Variants in MYRIP observed in about 807,000 individuals in gnomAD.
The protein encoded by MYRIP is myosin VIIA and Rab interacting protein.
A neutral mutation model predicts 98.0 loss-of-function variants in MYRIP; 49 were observed. That is an observed-to-expected ratio of 0.50 (90% CI 0.40 to 0.63). MYRIP has a LOEUF of 0.63. MYRIP is among the 30% of genes least tolerant of loss of function. The pLI is 0.00. For synonymous variants in MYRIP, 404 were observed against 409.5 expected (o/e 0.99, Z 0.16); for missense variants, 1,004 against 1,058.2 (o/e 0.95, Z 0.71).
At chr3:40,044,345 G>A in intron 3 of MYRIP, 74 bp downstream of exon 3, 3 of 1,431,310 alleles carry the variant, frequency 2.1e-6, no homozygotes, top group Non-Finnish European at 2.0e-6. Flanking sequence ...CTTCAGTCAG[G>A]TAGAACCAGC....
At chr3:39,823,220 A>G (rs1189318105) in intron 1 of MYRIP, among the ~76,000 whole-genome samples, 1 of 151,862 alleles carries the variant, frequency 6.6e-6, no homozygotes, top group Non-Finnish European at 1.5e-5. Flanking sequence ...GGGTTTTGTC[A>G]TGTTCCCCAG....
intron 2 of MYRIP, among the ~76,000 whole-genome samples, chr3:39,902,041 C>T (rs572453056): frequency 6.6e-6 from 1 of 152,222 alleles, no homozygotes; most frequent in Admixed American, 6.5e-5. Context: ...TCCATATTTA[C>T]ATATAGAATA....
At chr3:39,945,835 T>C (rs1224621794) in intron 2 of MYRIP, among the ~76,000 whole-genome samples, 2 of 152,096 alleles carry the variant, frequency 1.3e-5, no homozygotes, top group Non-Finnish European at 2.9e-5. Flanking sequence ...AAGTAGTTCT[T>C]AAAAGAAATT....
intron 1 of MYRIP, among the ~76,000 whole-genome samples, chr3:39,882,055 C>A (rs1372490758): frequency 2.0e-5 from 3 of 152,024 alleles, no homozygotes; most frequent in African/African-American, 7.2e-5. Context: ...TAATCCTTAG[C>A]ATTTTATAAT....
chr3:39,965,186 G>A (rs973885122), intron 2 of MYRIP, among the ~76,000 whole-genome samples: 7 of 151,768 alleles, frequency 4.6e-5, no homozygotes, highest in African/African-American at 7.3e-5. Context: ...TTAGTATTGC[G>A]ACCCAATTGG....
At chr3:40,220,798 G>A (rs1440120632) in intron 11 of MYRIP, among the ~76,000 whole-genome samples, 1 of 152,068 alleles carries the variant, frequency 6.6e-6, no homozygotes, top group Non-Finnish European at 1.5e-5. Flanking sequence ...GGCTGGAGCA[G>A]GAGGAAGAGA....
At chr3:39,878,336 C>A (rs189711311) in intron 1 of MYRIP, among the ~76,000 whole-genome samples, 2 of 152,168 alleles carry the variant, frequency 1.3e-5, no homozygotes, top group Admixed American at 6.5e-5. Flanking sequence ...AGCTCGAGCA[C>A]AGTGCGCTGC....
chr3:39,985,782 C>T (rs1263288669), intron 2 of MYRIP, among the ~76,000 whole-genome samples: 1 of 151,976 alleles, frequency 6.6e-6, no homozygotes, highest in African/African-American at 2.4e-5. Flanking sequence ...TGGATCCCTT[C>T]CTTACACCTT....
At chr3:39,986,201 A>C (rs1946027234) in intron 2 of MYRIP, among the ~76,000 whole-genome samples, 1 of 152,170 alleles carries the variant, frequency 6.6e-6, no homozygotes, top group South Asian at 2.1e-4. Flanking sequence ...GTGGATATCC[A>C]AGCATTAAGG....
intron 1 of MYRIP, among the ~76,000 whole-genome samples, chr3:39,855,050 G>C (rs112434161): frequency 5.9e-5 from 9 of 152,354 alleles, no homozygotes; most frequent in Non-Finnish European, 1.2e-4. Context: ...AGGTGTCAGG[G>C]AAGTGAAGTA....
At chr3:40,016,871 A>G (rs1036290344) in intron 2 of MYRIP, among the ~76,000 whole-genome samples, 4 of 152,206 alleles carry the variant, frequency 2.6e-5, no homozygotes, top group African/African-American at 9.6e-5. Context: ...GGTTTCCTGT[A>G]AAGAGCTGGC....
intron 1 of MYRIP, among the ~76,000 whole-genome samples, chr3:39,882,032 T>G (rs1396963017): frequency 1.3e-5 from 2 of 152,166 alleles, no homozygotes; most frequent in Non-Finnish European, 2.9e-5. Flanking sequence ...ACTAGAAGTA[T>G]TTTTGTTAAA....
At chr3:39,916,543 A>G (rs531746986) in intron 2 of MYRIP, among the ~76,000 whole-genome samples, 1 of 152,192 alleles carries the variant, frequency 6.6e-6, no homozygotes, top group East Asian at 1.9e-4. Flanking sequence ...GACACAATGA[A>G]CAAGCATTTA....
intron 1 of MYRIP, among the ~76,000 whole-genome samples, chr3:39,847,145 C>G (rs1324004541): frequency 6.6e-6 from 1 of 152,216 alleles, no homozygotes; most frequent in Non-Finnish European, 1.5e-5. Flanking sequence ...ATATGCATCT[C>G]TTTAACCCAT....
chr3:39,894,147 T>C (rs1210681565), intron 1 of MYRIP, among the ~76,000 whole-genome samples: 2 of 152,258 alleles, frequency 1.3e-5, no homozygotes, highest in Non-Finnish European at 2.9e-5. Context: ...CTATTCATAC[T>C]ATATTATTTT....
rs1559455131 is a variant in MYRIP at position 40,209,983 on chromosome 3, ACTT to A, written c.1800_1802del (p.Ser601del). On this transcript the variant is annotated inframe_deletion, in exon 11 of 17. Transcript: ENST00000302541. ...AGCAATGAAAATGAGTGAAAAGGAG[ACTT>A]CTTCAGGGGAGGATCAGGAGTCTGA... is the stretch of plus-strand genomic sequence containing the variant. 2 of 1,614,098 alleles carry A rather than the reference ACTT, an allele frequency of 1.2e-6. No individual in the cohort carries two copies. The highest frequency in any genetic ancestry group is 1.7e-6 in the Non-Finnish European group (2 of 1,179,968).
chr3:40,141,939 G>T (rs1949904540), intron 3 of MYRIP, among the ~76,000 whole-genome samples: 1 of 151,752 alleles, frequency 6.6e-6, no homozygotes, highest in Admixed American at 6.6e-5. Context: ...ATAATTTGTG[G>T]TTCCATACAA....
chr3:40,183,500 T>C (rs1950945652), intron 9 of MYRIP, among the ~76,000 whole-genome samples: 1 of 152,230 alleles, frequency 6.6e-6, no homozygotes, highest in Admixed American at 6.5e-5. Flanking sequence ...CTGAGTCATT[T>C]TCCTAAAGTC....
rs367659506 is a variant in MYRIP at position 40,167,263 on chromosome 3, T to C, written c.729+24T>C. 3 of 1,610,184 alleles carry C rather than the reference T, an allele frequency of 1.9e-6. No individual in the cohort carries two copies. The African/African-American group carries it at 4.0e-5, about 22-fold the overall frequency. ...AGGTAGGTGGGTCCTGGCAGTGGGA[T>C]GGCTGCAGTTTCCTGGCTGGGCCTG... is the stretch of plus-strand genomic sequence containing the variant. On this transcript the variant is annotated intron_variant, in intron 7 of 16. Transcript: ENST00000302541.
Sources: allele counts gnomAD v4.1 joint callset (sites outside exome capture counted in the v4.1 genomes callset), GRCh38; gene constraint gnomAD v4.1.1; transcripts MANE v1.5; gene names NCBI Gene and HGNC (gene_info 2026-07-23, HGNC 2026-07-21).